The following RERE variants were observed in gnomAD, a reference collection of about 807,000 sequenced individuals.
RERE encodes the protein arginine-glutamic acid dipeptide repeats protein.
In RERE, 40 loss-of-function variants were observed where a neutral mutation model predicts 146.1. The observed-to-expected ratio is 0.27, with a 90% CI of 0.21 to 0.36. RERE has a LOEUF of 0.36. RERE is among the 10% of genes least tolerant of loss of function. The pLI, the probability that RERE is intolerant of heterozygous loss-of-function variation, is 1.00. For missense variants in RERE, 1,933 were observed against 2,138.7 expected (o/e 0.90, Z 1.90); for synonymous variants, 1,003 against 866.0 (o/e 1.16, Z -2.78).
chr1:8,564,407 TA>T (rs1229525503), intron 4 of RERE, among the ~76,000 whole-genome samples: 1 of 152,218 alleles, frequency 6.6e-6, no homozygotes, highest in African/African-American at 2.4e-5. Flanking sequence ...GGTAATTATA[TA>T]AAACATTTTA....
At chr1:8,403,433 C>CTTTTTTT (rs70990565) in intron 12 of RERE, among the ~76,000 whole-genome samples, 3 of 137,326 alleles carry the variant, frequency 2.2e-5, no homozygotes, top group South Asian at 2.3e-4. Context: ...TTCATATTTT[C>CTTTTTTT]TTTTTTTTTT....
chr1:8,708,388 G>A (rs769605507), intron 1 of RERE, among the ~76,000 whole-genome samples: 8 of 152,002 alleles, frequency 5.3e-5, no homozygotes, highest in East Asian at 3.9e-4. Context: ...TCAGCTCACC[G>A]CAACCTCTGC....
chr1:8,484,064 A>G (rs1051825078), intron 10 of RERE, among the ~76,000 whole-genome samples: 20 of 152,358 alleles, frequency 1.3e-4, no homozygotes, highest in Admixed American at 3.9e-4. Flanking sequence ...AGGAAATCCA[A>G]TATCAGTTTA....
chr1:8,723,206 G>A (rs895289336), intron 1 of RERE, among the ~76,000 whole-genome samples: 1 of 152,066 alleles, frequency 6.6e-6, no homozygotes, highest in Admixed American at 6.6e-5. Flanking sequence ...CAACAAAGAA[G>A]AATAAAATCT....
intron 2 of RERE, among the ~76,000 whole-genome samples, chr1:8,627,580 T>C (rs149651476): frequency 0.016 from 2,212 of 138,182 alleles, 56 homozygotes; most frequent in African/African-American, 0.057. Flanking sequence ...CCAGCCTGGG[T>C]GACAGTGAAA....
At chr1:8,809,137 TAAAAAAAAA>T (rs58263107) in intron 1 of RERE, among the ~76,000 whole-genome samples, 1 of 95,072 alleles carries the variant, frequency 1.1e-5, no homozygotes, top group Non-Finnish European at 2.0e-5. Context: ...GACTTTGTCT[TAAAAAAAAA>T]AAAAAAAAAA....
chr1:8,632,696 T>C (rs886162806), intron 2 of RERE, among the ~76,000 whole-genome samples: 1 of 152,214 alleles, frequency 6.6e-6, no homozygotes, highest in Non-Finnish European at 1.5e-5. Flanking sequence ...GCTACAAAAT[T>C]TCCCACACCA....
intron 12 of RERE, among the ~76,000 whole-genome samples, chr1:8,422,053 C>T (rs1291100083): frequency 6.6e-6 from 1 of 152,234 alleles, no homozygotes; most frequent in East Asian, 1.9e-4. Context: ...CCCGCATTCT[C>T]TTCATATAAT....
chr1:8,484,002 CA>C (rs1432934275), intron 10 of RERE, among the ~76,000 whole-genome samples: 3 of 152,116 alleles, frequency 2.0e-5, no homozygotes, highest in African/African-American at 7.2e-5. Flanking sequence ...AAAGAAAAAG[CA>C]AAATAATTTG....
At chr1:8,382,923 T>C (rs1236469503) in intron 12 of RERE, among the ~76,000 whole-genome samples, 1 of 151,520 alleles carries the variant, frequency 6.6e-6, no homozygotes, top group Non-Finnish European at 1.5e-5. Context: ...AGTGACAGGA[T>C]TTTTTCTTGA....
intron 12 of RERE, among the ~76,000 whole-genome samples, chr1:8,414,318 G>A (rs922011718): frequency 2.0e-5 from 3 of 152,020 alleles, no homozygotes; most frequent in South Asian, 2.1e-4. Context: ...AGGCAGAGGC[G>A]GGCGAATCAT....
At chr1:8,391,853 C>A (rs796279444) in intron 12 of RERE, among the ~76,000 whole-genome samples, 3 of 152,248 alleles carry the variant, frequency 2.0e-5, no homozygotes, top group African/African-American at 7.2e-5. Flanking sequence ...CTGGCCAACC[C>A]TGTCTCTACT....
chr1:8,636,355 A>ACTAAGCACTCTACT (rs1209963019), intron 2 of RERE, among the ~76,000 whole-genome samples: 1 of 152,062 alleles, frequency 6.6e-6, no homozygotes, highest in Non-Finnish European at 1.5e-5. Flanking sequence ...GCTGGGCCCA[A>ACTAAGCACTCTACT]TATTTATTCT....
intron 15 of RERE, 68 bp downstream of exon 15, chr1:8,363,988 C>G: frequency 6.8e-7 from 1 of 1,464,300 alleles, no homozygotes; most frequent in South Asian, 1.1e-5. Flanking sequence ...CCCTGGGAGG[C>G]TCAAGCCCCC....
intron 10 of RERE, among the ~76,000 whole-genome samples, chr1:8,478,699 A>C (rs1350319585): frequency 6.6e-6 from 1 of 152,186 alleles, no homozygotes; most frequent in Non-Finnish European, 1.5e-5. Flanking sequence ...AGAGACTTGA[A>C]AAAGCTACAG....
At chr1:8,816,736 G>A (rs1641919335) in intron 1 of RERE, among the ~76,000 whole-genome samples, 1 of 152,070 alleles carries the variant, frequency 6.6e-6, no homozygotes, top group Non-Finnish European at 1.5e-5. Flanking sequence ...AGCACAAAGA[G>A]GAAATCTTCC....
At position 8,361,860 on chromosome 1, in the gene RERE, G is replaced by C. The variant is rs1192765136; in HGVS notation, c.1919C>G (p.Ala640Gly). The change falls in exon 17 of 23, where the codon GCC (alanine) becomes GGC (glycine). Residue 640 changes from alanine (A) to glycine (G), a missense_variant. Ala to Gly is a moderately conservative substitution (Grantham distance 60). Around this residue, in one of 11 missense-constraint regions of RERE, gnomAD observed 1,255 missense variants for 1,153.8 expected, o/e 1.09. Coordinates refer to ENST00000400908, the MANE Select transcript of RERE (RefSeq NM_001042681.2). ...TTTGTTACTCTTAAGAGGGGAAGAG[G>C]CTTCCTCCTTCACCTTCTGCAGGGG... Reference protein sequence around the residue: ...KKSAKKVKEEASSPLKSNKRQ... With the variant: ...KKSAKKVKEEGSSPLKSNKRQ... 1.9e-6 allele frequency: 3 copies of C among 1,613,304 alleles called. No individual in the cohort carries two copies. The highest frequency in any genetic ancestry group is 1.3e-5 in the African/African-American group (1 of 75,046).
At chr1:8,681,566 C>T (rs1252129894) in intron 1 of RERE, among the ~76,000 whole-genome samples, 3 of 152,154 alleles carry the variant, frequency 2.0e-5, no homozygotes, top group South Asian at 2.1e-4. Flanking sequence ...TGAGTTGAAA[C>T]CTCAAATCAT....
intron 4 of RERE, among the ~76,000 whole-genome samples, chr1:8,608,115 CTG>C (rs1243314719): frequency 1.3e-5 from 2 of 152,094 alleles, no homozygotes; most frequent in African/African-American, 4.8e-5. Context: ...TCTTGAACTC[CTG>C]GCCTCAAGCA....
Sources: gnomAD v4.1 joint callset for allele counts (sites outside exome capture counted in the v4.1 genomes callset) on GRCh38, gnomAD v4.1.1 for gene constraint, gnomAD v4.1.1 regional missense constraint, MANE v1.5 for transcripts, NCBI Gene and HGNC (gene_info 2026-07-23, HGNC 2026-07-21) for gene names.